The following HDAC8 variants were observed in gnomAD, a reference collection of about 807,000 sequenced individuals.
HDAC8 encodes histone deacetylase-like 1.
HDAC8 carries 1 observed loss-of-function variant against 32.2 expected under a neutral mutation model. The ratio of observed to expected loss-of-function variants is 0.03; its 90% CI spans 0.01 to 0.15. The LOEUF (loss-of-function observed/expected upper bound fraction) is 0.15. Among genes scored for constraint, HDAC8 ranks in the 10% least tolerant of loss-of-function variants. The probability of loss-of-function intolerance (pLI) is 1.00; values close to 1 mark genes in which losing one functional copy is unlikely to be tolerated. For missense variants in HDAC8, 117 were observed against 300.0 expected (o/e 0.39, Z 4.51); for synonymous variants, 108 against 113.9 (o/e 0.95, Z 0.33).
intron 1 of HDAC8, 29 bp downstream of exon 1, chrX:72,572,622 C>CCCAGGG: frequency 2.1e-6 from 2 of 935,623 alleles, no homozygotes; most frequent in Non-Finnish European, 1.5e-6. Context: ...CCCCCAAAGC[C>CCCAGGG]CATGGTCTTT....
chrX:72,408,882 G>A (rs1480591684), intron 9 of HDAC8, among the ~76,000 whole-genome samples: 2 of 111,647 alleles, frequency 1.8e-5, no homozygotes, highest in Admixed American at 9.5e-5. Context: ...GCCACTGCAA[G>A]GACTTAAGCC....
chrX:72,379,654 C>T (rs782478450), intron 9 of HDAC8, among the ~76,000 whole-genome samples: 10 of 109,017 alleles, frequency 9.2e-5, no homozygotes, highest in Admixed American at 2.9e-4. Flanking sequence ...TGCGCCATGA[C>T]GCCCGGCTAA....
At chrX:72,445,547 G>T (rs2031174206) in intron 9 of HDAC8, among the ~76,000 whole-genome samples, 1 of 112,153 alleles carries the variant, frequency 8.9e-6, no homozygotes, top group Admixed American at 9.5e-5. Flanking sequence ...ATGGATTAAA[G>T]ACTTAAATGT....
At chrX:72,379,692 G>T in intron 9 of HDAC8, among the ~76,000 whole-genome samples, 1 of 109,517 alleles carries the variant, frequency 9.1e-6, no homozygotes, top group Non-Finnish European at 1.9e-5. Context: ...AGTAGAGATG[G>T]GGTTTCGCCA....
At chrX:72,448,713 A>C (rs1220766853) in intron 9 of HDAC8, among the ~76,000 whole-genome samples, 4 of 112,459 alleles carry the variant, frequency 3.6e-5, no homozygotes, top group Non-Finnish European at 7.5e-5. Context: ...TCTAGAATCT[A>C]CAAGGAACTT....
At chrX:72,478,685 GCT>G (rs1424157052) in intron 7 of HDAC8, among the ~76,000 whole-genome samples, 295 of 90,649 alleles carry the variant, frequency 3.3e-3, no homozygotes, top group Middle Eastern at 6.2e-3. Flanking sequence ...ACGGAGTCTT[GCT>G]CTGTTACCTA....
chrX:72,558,737 C>G (rs1218735310), intron 4 of HDAC8, among the ~76,000 whole-genome samples: 2 of 110,220 alleles, frequency 1.8e-5, no homozygotes, highest in African/African-American at 6.6e-5. Context: ...AAGTCCTAGT[C>G]AGAGCAATCA....
chrX:72,378,388 A>C (rs941784361), intron 9 of HDAC8, among the ~76,000 whole-genome samples: 11 of 111,383 alleles, frequency 9.9e-5, no homozygotes, highest in African/African-American at 3.3e-4. Context: ...GCCTCTTTGC[A>C]TGTGCCTTCC....
At chrX:72,529,830 G>C (rs2050271548) in intron 4 of HDAC8, among the ~76,000 whole-genome samples, 1 of 111,409 alleles carries the variant, frequency 9.0e-6, no homozygotes, top group Admixed American at 9.5e-5. Flanking sequence ...CCTGGTGGGA[G>C]GTGATTGGAT....
rs887909274 is a variant in HDAC8 at position 72,552,150 on chromosome X, T to C, written c.437+15739A>G. ...AGGAAACAGAAAAGATGTGAGTATA[T>C]TATATAAGTGTGTACATATAAAAAT... is the stretch of plus-strand genomic sequence containing the variant. On this transcript the variant is annotated intron_variant, in intron 4 of 10. Transcript: ENST00000373573. 8.9e-5 allele frequency among the ~76,000 whole-genome samples: 10 copies of C among 112,404 alleles called. No homozygotes were observed. In the South Asian group the frequency reaches 3.7e-3, roughly 42 times the overall value.
At chrX:72,491,922 T>C (rs2048883680) in intron 5 of HDAC8, among the ~76,000 whole-genome samples, 1 of 111,550 alleles carries the variant, frequency 9.0e-6, no homozygotes, top group African/African-American at 3.3e-5. Context: ...AGAAATTGTC[T>C]CTGTATTTAT....
Position 72,414,017 on chromosome X carries a change from A to G in HDAC8, c.1005+47987T>C, listed in dbSNP as rs188812016. Among the ~76,000 whole-genome samples, 467 of 111,904 alleles carry G rather than the reference A, an allele frequency of 4.2e-3. 3 individuals carry two copies. The highest frequency in any genetic ancestry group is 6.5e-3 in the Non-Finnish European group (343 of 53,145). On this transcript the variant is annotated intron_variant, in intron 9 of 10. Coordinates refer to ENST00000373573, the MANE Select transcript of HDAC8 (RefSeq NM_018486.3). ...TCCTCATCTCATGATGGGACTGAGA[A>G]TGGGAGAGAAATGTGTAGTGGCAAA... is the stretch of plus-strand genomic sequence containing the variant.
intron 6 of HDAC8, among the ~76,000 whole-genome samples, chrX:72,490,691 C>G (rs1287714177): frequency 3.8e-5 from 4 of 106,465 alleles, no homozygotes; most frequent in African/African-American, 1.4e-4. Flanking sequence ...CAGCATGGCA[C>G]GTGTATACAT....
At position 72,572,751 on chromosome X, in the gene HDAC8, G is replaced by A. The variant is rs1556166880; in HGVS notation, c.11C>T (p.Pro4Leu). Residue 4 changes from proline to leucine, a missense_variant, in exon 1 of 11, where the codon CCG becomes CTG. Physicochemically the swap from Pro to Leu is moderately conservative, Grantham distance 98. Coordinates refer to ENST00000373573, the MANE Select transcript of HDAC8 (RefSeq NM_018486.3). Reference protein sequence around the residue: MEEPEEPADSGQSL... With the variant: MEELEEPADSGQSL... Reference sequence around the variant, plus strand: ...CTGCCCACTGTCCGCCGGTTCCTCCGGCTCCTCCATCTTCCGCTTAAAACC... The same window carrying A: ...CTGCCCACTGTCCGCCGGTTCCTCCAGCTCCTCCATCTTCCGCTTAAAACC... The A allele has an allele frequency of 1.7e-6, 2 of 1,208,744 alleles. No individual in the cohort carries two copies. Among genetic ancestry groups the A allele is most frequent in the South Asian group, 1.8e-5 (1 of 56,889 alleles).
At chrX:72,557,441 C>T (rs1556097996) in intron 4 of HDAC8, among the ~76,000 whole-genome samples, 1 of 111,562 alleles carries the variant, frequency 9.0e-6, no homozygotes, top group African/African-American at 3.3e-5. Context: ...CATGCAAATA[C>T]ATGGCAATTA....
intron 9 of HDAC8, among the ~76,000 whole-genome samples, chrX:72,385,947 A>G (rs1196099233): frequency 8.9e-6 from 1 of 112,276 alleles, no homozygotes; most frequent in Non-Finnish European, 1.9e-5. Context: ...AGACCTCATG[A>G]TCCAGCAATT....
intron 9 of HDAC8, among the ~76,000 whole-genome samples, chrX:72,458,695 C>T (rs1406588658): frequency 1.8e-5 from 2 of 111,889 alleles, no homozygotes; most frequent in Non-Finnish European, 3.8e-5. Context: ...GGGCGTGGTG[C>T]AGACAACCAA....
At chrX:72,369,673 C>G (rs2044810479) in intron 9 of HDAC8, among the ~76,000 whole-genome samples, 1 of 112,252 alleles carries the variant, frequency 8.9e-6, no homozygotes, top group African/African-American at 3.2e-5. Flanking sequence ...TGGCCAACAG[C>G]TGGTCTCCTG....
At chrX:72,400,457 T>G (rs1169571161) in intron 9 of HDAC8, among the ~76,000 whole-genome samples, 1 of 111,880 alleles carries the variant, frequency 8.9e-6, no homozygotes, top group African/African-American at 3.2e-5. Flanking sequence ...TCATTCCAGT[T>G]GCTCAGAACA....
Sources: gnomAD v4.1 joint callset for allele counts (sites outside exome capture counted in the v4.1 genomes callset) on GRCh38, gnomAD v4.1.1 for gene constraint, MANE v1.5 for transcripts, NCBI Gene and HGNC (gene_info 2026-07-23, HGNC 2026-07-21) for gene names.